Variants in GSAP observed in about 807,000 individuals in gnomAD.
GSAP encodes gamma-secretase-activating protein.
A neutral mutation model predicts 131.7 loss-of-function variants in GSAP; 118 were observed. The ratio of observed to expected loss-of-function variants is 0.90; its 90% CI spans 0.77 to 1.04. The LOEUF (loss-of-function observed/expected upper bound fraction) is 1.04. Ranked by LOEUF, GSAP falls within the 50% of genes least tolerant of loss-of-function variation. The pLI is 0.00. For synonymous variants in GSAP, 381 were observed against 363.4 expected, an observed-to-expected ratio of 1.05 and a Z score of -0.55; for missense variants, 1,019 against 1,013.2, an observed-to-expected ratio of 1.01 and a Z score of -0.08.
At chr7:77,353,898 A>G (rs867676777) in intron 16 of GSAP, among the ~76,000 whole-genome samples, 2 of 152,118 alleles carry the variant, frequency 1.3e-5, no homozygotes, top group African/African-American at 4.8e-5. Flanking sequence ...ACGTTCCTCA[A>G]CCTAACGTTT....
At chr7:77,381,259 T>TA (rs1554418860) in intron 8 of GSAP, 46 bp downstream of exon 8, 2 of 1,047,826 alleles carry the variant, frequency 1.9e-6, no homozygotes, top group Non-Finnish European at 2.8e-6. Flanking sequence ...TACTTCTTTG[T>TA]GGGGAAAAAA....
At chr7:77,387,570 A>C (rs1004626543) in intron 5 of GSAP, 122 bp from the exon 6 acceptor site, 1 of 632,496 alleles carries the variant, frequency 1.6e-6, no homozygotes, top group African/African-American at 1.8e-5. Context: ...CTAATAAAAC[A>C]ATTCTACCAC....
chr7:77,389,108 T>C (rs73362761), intron 5 of GSAP, among the ~76,000 whole-genome samples: 2,510 of 152,198 alleles, frequency 0.016, 78 homozygotes, highest in African/African-American at 0.056. Context: ...AAATGCTCTG[T>C]TGAGAGGTGA....
intron 24 of GSAP, among the ~76,000 whole-genome samples, chr7:77,323,207 G>C (rs1475752430): frequency 6.6e-6 from 1 of 152,152 alleles, no homozygotes; most frequent in East Asian, 1.9e-4. Context: ...GCCAATCTCA[G>C]CCTCACATGG....
At chr7:77,344,449 C>T (rs1791488964) in intron 19 of GSAP, among the ~76,000 whole-genome samples, 1 of 152,184 alleles carries the variant, frequency 6.6e-6, no homozygotes. Flanking sequence ...TGTATGGACG[C>T]TCCTTTTTGT....
chr7:77,410,815 A>T (rs1803129013), intron 1 of GSAP, among the ~76,000 whole-genome samples: 2 of 152,186 alleles, frequency 1.3e-5, no homozygotes, highest in African/African-American at 4.8e-5. Context: ...AACGTCATTC[A>T]GCCTTATACA....
At chr7:77,318,777 G>C (rs1372037591) in intron 26 of GSAP, among the ~76,000 whole-genome samples, 2 of 152,084 alleles carry the variant, frequency 1.3e-5, no homozygotes, top group Admixed American at 6.6e-5. Flanking sequence ...TAGAGGGAAA[G>C]CTTCTTGACA....
intron 5 of GSAP, among the ~76,000 whole-genome samples, 196 bp from the exon 6 acceptor site, chr7:77,387,644 G>A (rs1798780026): frequency 6.6e-6 from 1 of 152,186 alleles, no homozygotes; most frequent in Non-Finnish European, 1.5e-5. Flanking sequence ...TCTCTAGGAT[G>A]TGTAGCGGCT....
At chr7:77,325,472 C>G (rs1228498193) in intron 23 of GSAP, among the ~76,000 whole-genome samples, 1 of 152,160 alleles carries the variant, frequency 6.6e-6, no homozygotes, top group African/African-American at 2.4e-5. Flanking sequence ...ACAAATTCTG[C>G]TTTTCAATTG....
intron 1 of GSAP, among the ~76,000 whole-genome samples, chr7:77,413,951 G>A (rs1803806518): frequency 6.6e-6 from 1 of 151,908 alleles, no homozygotes; most frequent in Non-Finnish European, 1.5e-5. Flanking sequence ...TTTATTTCAG[G>A]AGAAACTGTT....
chr7:77,384,406 G>T (rs76943629), intron 6 of GSAP, among the ~76,000 whole-genome samples: 3,332 of 152,224 alleles, frequency 0.022, 128 homozygotes, highest in African/African-American at 0.077. Flanking sequence ...AGTAAGGCCT[G>T]GAAGCCAAAA....
Position 77,376,883 on chromosome 7 carries a change from T to C in GSAP, c.706A>G (p.Ile236Val), listed in dbSNP as rs781138349. ...LKKSRSILKC[I>V]QFYADESYNL... ...TAGCTCTCATCAGCATAAAACTGGATACATTTTAAGATACTCCTTGATTTC... is the reference window on the plus strand; with the variant it reads ...TAGCTCTCATCAGCATAAAACTGGACACATTTTAAGATACTCCTTGATTTC... The change falls in exon 10 of 31, where the codon ATC (isoleucine) becomes GTC (valine). Residue 236 changes from isoleucine (I) to valine (V), a missense_variant. Ile to Val is a conservative substitution (Grantham distance 29). Coordinates refer to ENST00000257626, the MANE Select transcript of GSAP (RefSeq NM_017439.4). 1.6e-5 allele frequency: 24 copies of C among 1,494,186 alleles called. No homozygotes were observed. Among genetic ancestry groups the C allele is most frequent in the Middle Eastern group, 1.7e-4 (1 of 5,770 alleles). 92.6% of individuals were successfully genotyped at this position (1,494,186 alleles called of 1,614,324 possible).
At chr7:77,312,278 A>G (rs1308602110) in intron 28 of GSAP, 76 bp from the exon 29 acceptor site, 2 of 702,760 alleles carry the variant, frequency 2.8e-6, no homozygotes, top group Non-Finnish European at 4.7e-6. Flanking sequence ...TCTATTCATA[A>G]TTTTAAAAGT....
At chr7:77,328,361 G>A (rs1420322483) in intron 22 of GSAP, 8 of 1,253,612 alleles carry the variant, frequency 6.4e-6, no homozygotes, top group East Asian at 6.5e-5. Context: ...AAGGAGAACC[G>A]CAAGGCCATC....
chr7:77,382,205 CTCCA>C (rs1242148721), intron 7 of GSAP, among the ~76,000 whole-genome samples: 1 of 152,034 alleles, frequency 6.6e-6, no homozygotes, highest in East Asian at 1.9e-4. Flanking sequence ...CTTCCCCTCT[CTCCA>C]TCCAAGCATC....
chr7:77,409,673 A>G (rs776933529), intron 1 of GSAP, among the ~76,000 whole-genome samples: 7 of 152,070 alleles, frequency 4.6e-5, no homozygotes, highest in Admixed American at 2.0e-4. Context: ...TTTGAGAAGT[A>G]TTTTTTTTCT....
intron 14 of GSAP, among the ~76,000 whole-genome samples, chr7:77,358,215 G>A (rs747695525): frequency 2.6e-5 from 4 of 152,158 alleles, no homozygotes; most frequent in South Asian, 2.1e-4. Flanking sequence ...GGCGGCATGC[G>A]CCTGTAATCC....
At chr7:77,411,864 T>C (rs1803347456) in intron 1 of GSAP, among the ~76,000 whole-genome samples, 1 of 152,200 alleles carries the variant, frequency 6.6e-6, no homozygotes, top group Non-Finnish European at 1.5e-5. Context: ...TATCAATACC[T>C]ACCATAAAGC....
At chr7:77,386,718 T>C (rs955714249) in intron 6 of GSAP, among the ~76,000 whole-genome samples, 3 of 152,174 alleles carry the variant, frequency 2.0e-5, no homozygotes, top group African/African-American at 2.4e-5. Flanking sequence ...AATTGAAAGA[T>C]GGAACTAGGC....
Sources: gnomAD v4.1 joint callset for allele counts (sites outside exome capture counted in the v4.1 genomes callset) on GRCh38, gnomAD v4.1.1 for gene constraint, MANE v1.5 for transcripts, NCBI Gene and HGNC (gene_info 2026-07-23, HGNC 2026-07-21) for gene names.